Variants in ADAMTSL3 observed in about 807,000 individuals in gnomAD.
The protein encoded by ADAMTSL3 is ADAMTS-like protein 3.
ADAMTSL3 carries 128 observed loss-of-function variants against 201.7 expected under a neutral mutation model. That is an observed-to-expected ratio of 0.63 (90% CI 0.55 to 0.73). ADAMTSL3 has a LOEUF of 0.73. ADAMTSL3 is among the 30% of genes least tolerant of loss of function. The pLI is 0.00. For missense variants in ADAMTSL3, 1,990 were observed against 2,119.6 expected (o/e 0.94, Z 1.20); for synonymous variants, 738 against 748.4 (o/e 0.99, Z 0.23).
At chr15:83,700,034 C>G (rs1210549029) in intron 2 of ADAMTSL3, among the ~76,000 whole-genome samples, 1 of 152,160 alleles carries the variant, frequency 6.6e-6, no homozygotes, top group East Asian at 1.9e-4. Context: ...AAATAGGAAC[C>G]TGATCTTTTT....
chr15:83,906,189 T>C (rs921154345), intron 15 of ADAMTSL3, among the ~76,000 whole-genome samples: 1 of 152,224 alleles, frequency 6.6e-6, no homozygotes, highest in Non-Finnish European at 1.5e-5. Context: ...GTAATTGTTA[T>C]TCCTTTTAAA....
intron 4 of ADAMTSL3, among the ~76,000 whole-genome samples, chr15:83,788,491 T>A (rs146074428): frequency 1.9e-4 from 29 of 152,346 alleles, no homozygotes; most frequent in African/African-American, 6.5e-4. Context: ...TTTTTCCATA[T>A]ATATAGTTAT....
intron 10 of ADAMTSL3, among the ~76,000 whole-genome samples, chr15:83,887,604 T>C (rs1490813306): frequency 6.6e-6 from 1 of 152,096 alleles, no homozygotes; most frequent in East Asian, 1.9e-4. Context: ...AAAACAAACA[T>C]TTCTCTCTCT....
chr15:83,899,787 A>G (rs1233657194), intron 15 of ADAMTSL3, 56 bp downstream of exon 15: 10 of 1,573,630 alleles, frequency 6.4e-6, no homozygotes, highest in Non-Finnish European at 8.6e-6. Context: ...AACATGATAT[A>G]TGTAATTTTT....
At chr15:83,682,799 G>C (rs541356068) in intron 2 of ADAMTSL3, among the ~76,000 whole-genome samples, 4 of 152,276 alleles carry the variant, frequency 2.6e-5, no homozygotes, top group African/African-American at 9.6e-5. Flanking sequence ...TCCTACAAAT[G>C]TTTGCTTTCT....
chr15:83,965,505 C>G (rs779429991), intron 19 of ADAMTSL3, among the ~76,000 whole-genome samples: 6 of 152,026 alleles, frequency 3.9e-5, no homozygotes, highest in Non-Finnish European at 8.8e-5. Flanking sequence ...ATACATGCAC[C>G]CAATACAGGA....
chr15:83,745,678 C>T (rs1448361856), intron 3 of ADAMTSL3, among the ~76,000 whole-genome samples: 3 of 152,172 alleles, frequency 2.0e-5, no homozygotes, highest in Non-Finnish European at 2.9e-5. Context: ...GTTCTAGCAC[C>T]CATGCACTCC....
chr15:83,664,675 A>G (rs2061223716), intron 2 of ADAMTSL3, among the ~76,000 whole-genome samples: 1 of 152,200 alleles, frequency 6.6e-6, no homozygotes. Context: ...AGTATGAGAT[A>G]ATGATGAACA....
intron 19 of ADAMTSL3, among the ~76,000 whole-genome samples, chr15:83,958,169 C>T (rs1158304276): frequency 2.6e-5 from 4 of 152,068 alleles, no homozygotes; most frequent in Admixed American, 6.6e-5. Context: ...ACAGATGTCA[C>T]GAATAAATAG....
At chr15:83,800,831 A>C (rs1469055509) in intron 4 of ADAMTSL3, among the ~76,000 whole-genome samples, 1 of 152,114 alleles carries the variant, frequency 6.6e-6, no homozygotes, top group Non-Finnish European at 1.5e-5. Flanking sequence ...ACTTCCCTCA[A>C]CTGGGGCTTT....
intron 3 of ADAMTSL3, among the ~76,000 whole-genome samples, chr15:83,735,553 G>A (rs1225281507): frequency 6.9e-6 from 1 of 144,174 alleles, no homozygotes; most frequent in African/African-American, 2.4e-5. Flanking sequence ...CTCCCATGAA[G>A]AATTTCGTTT....
At chr15:84,018,007 G>A (rs61655717) in intron 25 of ADAMTSL3, among the ~76,000 whole-genome samples, 20,207 of 152,234 alleles carry the variant, frequency 0.13, 1,463 homozygotes, top group East Asian at 0.3. Flanking sequence ...CTGGGAAGAG[G>A]AAAGAGGAAA....
intron 19 of ADAMTSL3, among the ~76,000 whole-genome samples, chr15:83,948,624 C>A (rs919339632): frequency 2.3e-4 from 35 of 152,154 alleles, no homozygotes; most frequent in African/African-American, 8.2e-4. Flanking sequence ...AAATATCAGA[C>A]CTCTGGGTGA....
At chr15:83,991,847 C>A (rs1188061424) in intron 23 of ADAMTSL3, among the ~76,000 whole-genome samples, 1 of 152,152 alleles carries the variant, frequency 6.6e-6, no homozygotes, top group Non-Finnish European at 1.5e-5. Context: ...TCTCATTAAG[C>A]CATGGATTCT....
chr15:83,685,630 G>A (rs555029473), intron 2 of ADAMTSL3, among the ~76,000 whole-genome samples: 1 of 152,186 alleles, frequency 6.6e-6, no homozygotes, highest in Admixed American at 6.5e-5. Context: ...ATCCTGTATG[G>A]CTCTGGGAAG....
chr15:83,875,716 G>C (rs2141840561), intron 9 of ADAMTSL3, among the ~76,000 whole-genome samples: 1 of 152,330 alleles, frequency 6.6e-6, no homozygotes, highest in Admixed American at 6.5e-5. Flanking sequence ...CCGGGAAGTG[G>C]AGGTTGCAGT....
chr15:83,907,107 AAAAAAAAAAG>A (rs1414878480), intron 15 of ADAMTSL3, among the ~76,000 whole-genome samples: 1 of 128,730 alleles, frequency 7.8e-6, no homozygotes, highest in African/African-American at 3.2e-5. Context: ...GAAAAAAAAA[AAAAAAAAAAG>A]AGAGAGTCTA....
intron 3 of ADAMTSL3, among the ~76,000 whole-genome samples, chr15:83,736,738 G>A (rs1282992295): frequency 1.3e-5 from 2 of 152,166 alleles, no homozygotes; most frequent in African/African-American, 4.8e-5. Context: ...AAGGGCCAGA[G>A]AATAATTCAT....
intron 6 of ADAMTSL3, among the ~76,000 whole-genome samples, chr15:83,821,941 G>A (rs2063877025): frequency 6.7e-6 from 1 of 149,518 alleles, no homozygotes; most frequent in Non-Finnish European, 1.5e-5. Flanking sequence ...TCCCAGTAGG[G>A]GCGGCCGGGC....
Sources: gnomAD v4.1 joint callset for allele counts (sites outside exome capture counted in the v4.1 genomes callset) on GRCh38, gnomAD v4.1.1 for gene constraint, MANE v1.5 for transcripts, NCBI Gene and HGNC (gene_info 2026-07-23, HGNC 2026-07-21) for gene names.